Variants in NCOR1 observed in about 807,000 individuals in gnomAD.
The protein encoded by NCOR1 is nuclear receptor corepressor 1.
A neutral mutation model predicts 288.1 loss-of-function variants in NCOR1; 63 were observed. The observed-to-expected ratio is 0.22, with a 90% CI of 0.18 to 0.27. NCOR1 has a LOEUF of 0.27. NCOR1 is among the 10% of genes least tolerant of loss of function. The pLI is 1.00. For synonymous variants in NCOR1, 1,007 were observed against 1,065.9 expected (o/e 0.94, Z 1.08); for missense variants, 2,397 against 3,019.2 (o/e 0.79, Z 4.83).
At chr17:16,212,648 AT>A (rs2092242055) in intron 1 of NCOR1, among the ~76,000 whole-genome samples, 1 of 152,194 alleles carries the variant, frequency 6.6e-6, no homozygotes, top group Non-Finnish European at 1.5e-5. Flanking sequence ...ACCAAAACAT[AT>A]TTTTTAAAAA....
chr17:16,151,453 T>C (rs939706214), intron 8 of NCOR1: 35 of 575,174 alleles, frequency 6.1e-5, no homozygotes, highest in African/African-American at 5.5e-4. Flanking sequence ...GCAAGAGTCA[T>C]GGAAGGGATT....
intron 14 of NCOR1, 47 bp from the exon 15 acceptor site, chr17:16,126,253 T>C: frequency 1.3e-6 from 2 of 1,494,298 alleles, no homozygotes; most frequent in Non-Finnish European, 1.8e-6. Context: ...CAAACAGAAA[T>C]AGCTCCTTAT....
At chr17:16,151,713 C>A in intron 8 of NCOR1, 1 of 1,172,284 alleles carries the variant, frequency 8.5e-7, no homozygotes, top group Admixed American at 2.3e-5. Flanking sequence ...GATTATAAAA[C>A]CAGCTAGTTT....
intron 7 of NCOR1, 104 bp downstream of exon 7, chr17:16,153,233 ATC>A: frequency 2.6e-6 from 2 of 767,440 alleles, no homozygotes; most frequent in Non-Finnish European, 4.3e-6. Context: ...GCTCAGCTAC[ATC>A]TCTCTTATCC....
intron 17 of NCOR1, 38 bp from the exon 18 acceptor site, chr17:16,118,065 T>G: frequency 6.3e-7 from 1 of 1,585,982 alleles, no homozygotes; most frequent in East Asian, 2.3e-5. Context: ...AATTGAACAG[T>G]CACCTGATCA....
chr17:16,170,439 AAATT>A (rs2082916412), intron 4 of NCOR1, among the ~76,000 whole-genome samples: 1 of 152,176 alleles, frequency 6.6e-6, no homozygotes, highest in Non-Finnish European at 1.5e-5. Context: ...AGAGTTTTTA[AAATT>A]AATTTATTCT....
rs774605999 is a variant in NCOR1 at position 16,068,078 on chromosome 17, C to T, written c.4557G>A (p.Ser1519=). Residue 1519 remains serine (S), a synonymous_variant, in exon 32 of 46, where the codon TCG becomes TCA. Transcript: ENST00000268712. ...SNKSTNHERK[S]TLTPTQRESI... ...TTTCCCTCTGGGTAGGGGTCAGTGT[C>T]GATTTCCTTTCATGATTGGTAGACT... The T allele has an allele frequency of 3.7e-5, 59 of 1,613,678 alleles. No homozygotes were observed. Among genetic ancestry groups the T allele is most frequent in the Non-Finnish European group, 4.7e-5 (55 of 1,179,924 alleles).
chr17:16,164,904 T>C (rs2081697635), intron 5 of NCOR1, 75 bp downstream of exon 5: 1 of 1,089,570 alleles, frequency 9.2e-7, no homozygotes. Context: ...AGTTTCAAAA[T>C]ATGGAAAACT....
At chr17:16,103,833 T>C (rs552234986) in intron 19 of NCOR1, among the ~76,000 whole-genome samples, 4 of 152,320 alleles carry the variant, frequency 2.6e-5, no homozygotes, top group Middle Eastern at 6.8e-3. Context: ...CTGACCGACA[T>C]AGTGAAACCC....
At chr17:16,087,330 T>G (rs1235004785) in intron 22 of NCOR1, 1 of 1,303,950 alleles carries the variant, frequency 7.7e-7, no homozygotes, top group East Asian at 5.5e-5. Flanking sequence ...ATAAGGCATA[T>G]AGGCGACTGA....
At chr17:16,159,915 C>T (rs368056629) in intron 5 of NCOR1, among the ~76,000 whole-genome samples, 1 of 151,736 alleles carries the variant, frequency 6.6e-6, no homozygotes, top group African/African-American at 2.4e-5. Context: ...CTGCAACCTC[C>T]GCTTCCAGGG....
At chr17:16,151,915 T>C (rs1228215170) in intron 8 of NCOR1, 31 bp downstream of exon 8, 3 of 1,520,492 alleles carry the variant, frequency 2.0e-6, no homozygotes, top group African/African-American at 1.4e-5. Flanking sequence ...CGGTCTTTAA[T>C]TGAAGAACTC....
intron 28 of NCOR1, 145 bp downstream of exon 28, chr17:16,073,284 G>C: frequency 1.5e-6 from 1 of 674,960 alleles, no homozygotes; most frequent in South Asian, 3.1e-5. Flanking sequence ...ATTTCAGGTG[G>C]AAATGACAGA....
chr17:16,115,660 A>T (rs2071426679), intron 18 of NCOR1, among the ~76,000 whole-genome samples: 1 of 152,160 alleles, frequency 6.6e-6, no homozygotes, highest in African/African-American at 2.4e-5. Context: ...AAGAAGACTC[A>T]CCTTTGCTCC....
chr17:16,105,220 A>G (rs906740584), intron 19 of NCOR1, among the ~76,000 whole-genome samples: 1 of 152,188 alleles, frequency 6.6e-6, no homozygotes, highest in Non-Finnish European at 1.5e-5. Flanking sequence ...GCTGCTGTGG[A>G]AGAAAAAACA....
intron 44 of NCOR1, among the ~76,000 whole-genome samples, chr17:16,038,554 G>A (rs569476961): frequency 1.3e-5 from 2 of 150,306 alleles, no homozygotes; most frequent in African/African-American, 4.9e-5. Flanking sequence ...TTCCCACCTC[G>A]GCCCCCACAA....
chr17:16,202,400 C>CAA (rs1193307384), intron 1 of NCOR1, among the ~76,000 whole-genome samples: 7 of 112,954 alleles, frequency 6.2e-5, no homozygotes, highest in Non-Finnish European at 1.3e-4. Context: ...GACTTCATCT[C>CAA]AAAAAAAAAA....
intron 21 of NCOR1, among the ~76,000 whole-genome samples, chr17:16,094,834 C>T (rs1281090091): frequency 6.6e-6 from 1 of 152,184 alleles, no homozygotes; most frequent in Non-Finnish European, 1.5e-5. Context: ...TCTGAGGTGC[C>T]GGGATTGCAG....
chr17:16,117,535 C>T (rs890601971), intron 18 of NCOR1, among the ~76,000 whole-genome samples: 1 of 103,418 alleles, frequency 9.7e-6, no homozygotes, highest in African/African-American at 4.0e-5. Flanking sequence ...AAAAAAAAAA[C>T]ATCAAGGCTA....
Sources: gnomAD v4.1 joint callset for allele counts (sites outside exome capture counted in the v4.1 genomes callset) on GRCh38, gnomAD v4.1.1 for gene constraint, MANE v1.5 for transcripts, NCBI Gene and HGNC (gene_info 2026-07-23, HGNC 2026-07-21) for gene names.